LRRC1: variants seen among roughly 807,000 people sequenced by gnomAD.
The protein encoded by LRRC1 is leucine rich repeat containing 1, also known as leucine-rich repeat-containing protein 1.
LRRC1 carries 28 observed loss-of-function variants against 69.9 expected under a neutral mutation model. The ratio of observed to expected loss-of-function variants is 0.40; its 90% CI spans 0.30 to 0.55. The LOEUF (loss-of-function observed/expected upper bound fraction) is 0.55. LRRC1 is among the 20% of genes least tolerant of loss of function. The pLI is 0.47. For synonymous variants in LRRC1, 236 were observed against 240.2 expected (o/e 0.98, Z 0.16); for missense variants, 498 against 609.0 (o/e 0.82, Z 1.92).
intron 1 of LRRC1, among the ~76,000 whole-genome samples, chr6:53,828,346 G>C (rs1215019354): frequency 1.3e-5 from 2 of 152,180 alleles, no homozygotes; most frequent in Admixed American, 1.3e-4. Context: ...TAGGACCTGG[G>C]AGCCCTGTCA....
chr6:53,882,735 A>G (rs1358248664), intron 3 of LRRC1, 152 bp from the exon 4 acceptor site: 25 of 552,786 alleles, frequency 4.5e-5, no homozygotes, highest in Non-Finnish European at 3.4e-5. Context: ...CGTCTTATAT[A>G]TAGGAAGACA....
intron 7 of LRRC1, among the ~76,000 whole-genome samples, chr6:53,898,471 G>C (rs1404269411): frequency 6.6e-6 from 1 of 152,204 alleles, no homozygotes; most frequent in Non-Finnish European, 1.5e-5. Context: ...TGTATGTTCA[G>C]ATGTGTGTAA....
chr6:53,896,685 T>A lies in LRRC1; in HGVS notation c.503+131T>A, dbSNP rs1032713728. ...GTTTGGGGGATGCCAGCCGGCCTTT[T>A]CTTAACAATCCTTCCTGTGCAATAT... On this transcript the variant is annotated intron_variant, in intron 5 of 13. Coordinates refer to ENST00000370888, the MANE Select transcript of LRRC1 (RefSeq NM_018214.5). The A allele has an allele frequency of 3.9e-6, 4 of 1,014,680 alleles. No individual in the cohort carries two copies. In the African/African-American group the frequency reaches 4.9e-5, roughly 12 times the overall value. 62.9% of individuals were successfully genotyped at this position (1,014,680 alleles called of 1,614,324 possible).
At chr6:53,854,006 A>G (rs1164545672) in intron 2 of LRRC1, among the ~76,000 whole-genome samples, 1 of 152,188 alleles carries the variant, frequency 6.6e-6, no homozygotes, top group African/African-American at 2.4e-5. Flanking sequence ...ACCTAGTTCC[A>G]TTAGCATTCA....
chr6:53,916,072 A>C (rs1768555779), intron 11 of LRRC1, among the ~76,000 whole-genome samples: 1 of 152,206 alleles, frequency 6.6e-6, no homozygotes, highest in Non-Finnish European at 1.5e-5. Context: ...GGATGACTAT[A>C]ACCTGTCACT....
rs1233704003 is a variant in LRRC1, at chr6:53,795,250, G to A, written c.-7G>A. On this transcript the variant is annotated 5_prime_UTR_variant, in exon 1 of 14. Coordinates refer to ENST00000370888, the MANE Select transcript of LRRC1 (RefSeq NM_018214.5). ...CGGGACCCGGCTAGGCGGCGGCGGG[G>A]GCGGCGATGTTCCACTGCATCCCCC... 3 of 1,600,996 alleles carry A rather than the reference G, an allele frequency of 1.9e-6. No individual in the cohort carries two copies. The highest frequency in any genetic ancestry group is 2.7e-5 in the African/African-American group (2 of 74,796).
At chr6:53,871,033 A>C (rs1766866534) in intron 2 of LRRC1, among the ~76,000 whole-genome samples, 1 of 152,086 alleles carries the variant, frequency 6.6e-6, no homozygotes, top group Non-Finnish European at 1.5e-5. Context: ...TTATCCATTC[A>C]TCTGTTGAGG....
intron 1 of LRRC1, among the ~76,000 whole-genome samples, chr6:53,803,046 A>T (rs564910161): frequency 1.3e-5 from 2 of 152,180 alleles, no homozygotes; most frequent in Admixed American, 6.5e-5. Flanking sequence ...GAGCACTTTG[A>T]CTCCACCTCA....
At chr6:53,813,675 G>T (rs78205306) in intron 1 of LRRC1, among the ~76,000 whole-genome samples, 28,958 of 151,498 alleles carry the variant, frequency 0.19, 2,997 homozygotes, top group Middle Eastern at 0.32. Context: ...CAGGTATACA[G>T]GTTGGGTTTG....
chr6:53,902,306 TCTC>T lies in LRRC1; in HGVS notation c.788-319_788-317del, dbSNP rs780084399. On this transcript the variant is annotated intron_variant, in intron 8 of 13. Coordinates refer to ENST00000370888, the MANE Select transcript of LRRC1 (RefSeq NM_018214.5). Reference sequence around the variant, plus strand: ...GATAATGCTTGGAGTAAAATGAAAGTCTCCTCTGTGCATGAAACACCTCCACGG... The same window carrying T: ...GATAATGCTTGGAGTAAAATGAAAGTCTCTGTGCATGAAACACCTCCACGG... Among the ~76,000 whole-genome samples the T allele has an allele frequency of 1.6e-4, 24 of 152,286 alleles. 1 individual carries two copies. Among genetic ancestry groups the T allele is most frequent in the Non-Finnish European group, 2.8e-4 (19 of 68,010 alleles).
intron 1 of LRRC1, among the ~76,000 whole-genome samples, chr6:53,804,878 T>C (rs1367519172): frequency 6.6e-6 from 1 of 152,220 alleles, no homozygotes; most frequent in Non-Finnish European, 1.5e-5. Flanking sequence ...ATCTAATCTG[T>C]CGTTTTGCAC....
Position 53,922,857 on chromosome 6 carries a change from C to T in LRRC1, c.*64C>T. 3 of 1,527,498 alleles carry T rather than the reference C, an allele frequency of 2.0e-6. No individual in the cohort carries two copies. Among genetic ancestry groups the T allele is most frequent in the East Asian group, 2.3e-5 (1 of 44,232 alleles). 94.6% of individuals were successfully genotyped at this position (1,527,498 alleles called of 1,614,324 possible). On this transcript the variant is annotated 3_prime_UTR_variant, in exon 14 of 14. Transcript: ENST00000370888. Reference sequence around the variant, plus strand: ...GCTGTCGAGACGTTCCTGTCTGCTTCCCGGGAGCCTCACGTGCTCCTTGTC... The same window carrying T: ...GCTGTCGAGACGTTCCTGTCTGCTTTCCGGGAGCCTCACGTGCTCCTTGTC...
At chr6:53,853,408 C>T (rs980089947) in intron 2 of LRRC1, among the ~76,000 whole-genome samples, 3 of 151,832 alleles carry the variant, frequency 2.0e-5, no homozygotes, top group African/African-American at 7.3e-5. Context: ...CCTCAGCCTC[C>T]TGAATAGCTG....
chr6:53,887,610 C>T (rs1767531140), intron 4 of LRRC1, among the ~76,000 whole-genome samples: 1 of 152,038 alleles, frequency 6.6e-6, no homozygotes, highest in South Asian at 2.1e-4. Context: ...GTGTGCATTG[C>T]TGGTGGGTGG....
At chr6:53,820,182 T>A (rs140855580) in intron 1 of LRRC1, among the ~76,000 whole-genome samples, 1 of 152,112 alleles carries the variant, frequency 6.6e-6, no homozygotes, top group East Asian at 1.9e-4. Flanking sequence ...ACTGGCTAGT[T>A]TCAGGAACCC....
intron 2 of LRRC1, among the ~76,000 whole-genome samples, chr6:53,866,444 T>C (rs1766705417): frequency 6.6e-6 from 1 of 152,152 alleles, no homozygotes; most frequent in African/African-American, 2.4e-5. Context: ...GGCCCCACAC[T>C]GTGGCGATGG....
At chr6:53,875,099 A>C (rs1208141152) in intron 2 of LRRC1, among the ~76,000 whole-genome samples, 1 of 152,244 alleles carries the variant, frequency 6.6e-6, no homozygotes, top group East Asian at 1.9e-4. Flanking sequence ...ATAAGTGGGC[A>C]TAAGTTGCTG....
At chr6:53,896,238 TTGAA>T (rs1767867538) in intron 4 of LRRC1, among the ~76,000 whole-genome samples, 1 of 152,246 alleles carries the variant, frequency 6.6e-6, no homozygotes, top group African/African-American at 2.4e-5. Context: ...TACAAGGTAT[TTGAA>T]TGAAGGTGCT....
At chr6:53,853,667 C>G (rs188659817) in intron 2 of LRRC1, among the ~76,000 whole-genome samples, 3 of 152,128 alleles carry the variant, frequency 2.0e-5, no homozygotes, top group African/African-American at 7.2e-5. Context: ...CATAACATTT[C>G]TGGGGTAACT....
Sources: gnomAD v4.1 joint callset for allele counts (sites outside exome capture counted in the v4.1 genomes callset) on GRCh38, gnomAD v4.1.1 for gene constraint, MANE v1.5 for transcripts, NCBI Gene and HGNC (gene_info 2026-07-23, HGNC 2026-07-21) for gene names.